Variants in CNTN4 observed in about 807,000 individuals in gnomAD.
CNTN4 encodes contactin 4.
In CNTN4, 77 loss-of-function variants were observed where a neutral mutation model predicts 122.5. The ratio of observed to expected loss-of-function variants is 0.63; its 90% CI spans 0.52 to 0.76. The LOEUF (loss-of-function observed/expected upper bound fraction) is 0.76, where lower values mean the gene tolerates loss of function less well. Ranked by LOEUF, CNTN4 falls within the 30% of genes least tolerant of loss-of-function variation. The pLI is 0.00. For missense variants in CNTN4, 1,256 were observed against 1,259.1 expected (o/e 1.00, Z 0.04); for synonymous variants, 512 against 447.0 (o/e 1.15, Z -1.83).
intron 3 of CNTN4, among the ~76,000 whole-genome samples, chr3:2,542,487 C>G (rs1262942282): frequency 3.3e-5 from 5 of 152,106 alleles, no homozygotes; most frequent in Non-Finnish European, 7.4e-5. Context: ...GAAATAATCT[C>G]CAAGACACAG....
At chr3:2,896,931 GTTT>G (rs58232281) in intron 10 of CNTN4, among the ~76,000 whole-genome samples, 2 of 118,074 alleles carry the variant, frequency 1.7e-5, no homozygotes, top group Non-Finnish European at 1.8e-5. Context: ...AATTTAGAGG[GTTT>G]TTTTTTTTTT....
chr3:2,583,230 T>C (rs1029268688), intron 4 of CNTN4, among the ~76,000 whole-genome samples: 1 of 152,204 alleles, frequency 6.6e-6, no homozygotes, highest in Non-Finnish European at 1.5e-5. Flanking sequence ...CTGGCCATGG[T>C]TGACATAACA....
chr3:2,687,060 A>G (rs1021220508), intron 4 of CNTN4, among the ~76,000 whole-genome samples: 1 of 152,170 alleles, frequency 6.6e-6, no homozygotes, highest in African/African-American at 2.4e-5. Flanking sequence ...GTCTGTGAAA[A>G]GGGCAGACTT....
intron 7 of CNTN4, among the ~76,000 whole-genome samples, chr3:2,822,965 G>A (rs1257942100): frequency 2.6e-5 from 4 of 152,158 alleles, no homozygotes; most frequent in Non-Finnish European, 5.9e-5. Flanking sequence ...AAGCAGGCAC[G>A]GCTAAGAAAT....
At chr3:2,495,201 A>T (rs2076422087) in intron 3 of CNTN4, among the ~76,000 whole-genome samples, 1 of 152,202 alleles carries the variant, frequency 6.6e-6, no homozygotes, top group South Asian at 2.1e-4. Context: ...TCAAGTTCTT[A>T]TTTCAAATAC....
intron 2 of CNTN4, among the ~76,000 whole-genome samples, chr3:2,192,818 C>T (rs2037644664): frequency 1.3e-5 from 2 of 152,160 alleles, no homozygotes; most frequent in South Asian, 4.1e-4. Flanking sequence ...TAGCTCCCCA[C>T]TATTTAAAAA....
intron 7 of CNTN4, among the ~76,000 whole-genome samples, chr3:2,866,044 A>G (rs1265719591): frequency 6.6e-6 from 1 of 152,152 alleles, no homozygotes; most frequent in Non-Finnish European, 1.5e-5. Flanking sequence ...TGTATACTTA[A>G]TGAGTGTTTG....
intron 14 of CNTN4, among the ~76,000 whole-genome samples, chr3:3,015,235 C>G (rs1372940199): frequency 6.6e-6 from 1 of 151,960 alleles, no homozygotes; most frequent in Non-Finnish European, 1.5e-5. Flanking sequence ...TCAACAATTG[C>G]AGGGGACCTA....
intron 12 of CNTN4, among the ~76,000 whole-genome samples, chr3:2,904,827 A>G (rs527683924): frequency 5.9e-5 from 9 of 152,338 alleles, no homozygotes; most frequent in African/African-American, 2.2e-4. Flanking sequence ...GAAATGAATC[A>G]TAGTGTCTGA....
intron 4 of CNTN4, among the ~76,000 whole-genome samples, chr3:2,585,877 GAA>G (rs199795637): frequency 6.5e-5 from 9 of 139,510 alleles, no homozygotes; most frequent in South Asian, 2.2e-4. Flanking sequence ...CAGAGGGGGA[GAA>G]AAAAAAAAAA....
chr3:2,970,711 G>T (rs1692818303), intron 13 of CNTN4, among the ~76,000 whole-genome samples: 2 of 152,096 alleles, frequency 1.3e-5, no homozygotes, highest in African/African-American at 4.8e-5. Flanking sequence ...CTCTCAAAGT[G>T]CTGCGATTGC....
chr3:2,487,403 C>G (rs896671909), intron 3 of CNTN4, among the ~76,000 whole-genome samples: 3 of 152,190 alleles, frequency 2.0e-5, no homozygotes, highest in Admixed American at 2.0e-4. Context: ...AACTTCCCTT[C>G]CCTCCCTTTC....
intron 13 of CNTN4, among the ~76,000 whole-genome samples, chr3:2,969,374 G>A (rs571271037): frequency 6.6e-5 from 10 of 152,196 alleles, no homozygotes; most frequent in African/African-American, 1.9e-4. Context: ...TGAACCAATC[G>A]CTTTAACCAG....
intron 13 of CNTN4, among the ~76,000 whole-genome samples, chr3:2,942,341 A>G (rs988571142): frequency 2.0e-5 from 3 of 152,252 alleles, no homozygotes; most frequent in Non-Finnish European, 4.4e-5. Context: ...TACTTTCAGT[A>G]TAATTCACAG....
At chr3:2,840,688 C>G (rs9855268) in intron 7 of CNTN4, among the ~76,000 whole-genome samples, 1,625 of 150,696 alleles carry the variant, frequency 0.011, 34 homozygotes, top group African/African-American at 0.034. Flanking sequence ...GACAGAGCGA[C>G]ACTCCGTCTC....
chr3:2,213,016 T>G (rs2038687433), intron 2 of CNTN4, among the ~76,000 whole-genome samples: 2 of 152,234 alleles, frequency 1.3e-5, no homozygotes, highest in Admixed American at 1.3e-4. Flanking sequence ...TTTTTCATTT[T>G]TAAACCTCCT....
intron 4 of CNTN4, chr3:2,629,567 G>T (rs758302903): frequency 2.2e-6 from 1 of 453,164 alleles, no homozygotes; most frequent in South Asian, 1.6e-5. Context: ...GGTGCTGCCA[G>T]CCTTGGAGGC....
At chr3:2,238,989 T>C (rs2039815642) in intron 2 of CNTN4, 1 of 149,664 alleles carries the variant, frequency 6.7e-6, no homozygotes, top group Admixed American at 6.8e-5. Flanking sequence ...CCTCCCAAAG[T>C]GCTGGGATGA....
intron 4 of CNTN4, among the ~76,000 whole-genome samples, chr3:2,652,023 T>G (rs1266508012): frequency 2.0e-5 from 3 of 147,706 alleles, no homozygotes; most frequent in African/African-American, 5.0e-5. Context: ...AAGGTGTTGT[T>G]TTTTTTTTTT....
Sources: allele counts gnomAD v4.1 joint callset (sites outside exome capture counted in the v4.1 genomes callset), GRCh38; gene constraint gnomAD v4.1.1; transcripts MANE v1.5; gene names NCBI Gene and HGNC (gene_info 2026-07-23, HGNC 2026-07-21).